ACO1: variants seen among roughly 807,000 people sequenced by gnomAD.
ACO1 encodes cytoplasmic aconitate hydratase.
Under a neutral mutation model 105.1 loss-of-function variants are expected in ACO1, and 78 were observed. The ratio of observed to expected loss-of-function variants is 0.74; its 90% CI spans 0.62 to 0.90. The LOEUF (loss-of-function observed/expected upper bound fraction) is 0.90, where lower values mean the gene tolerates loss of function less well. ACO1 is among the 40% of genes least tolerant of loss of function. The probability of loss-of-function intolerance (pLI) is 0.00; values close to 1 mark genes in which losing one functional copy is unlikely to be tolerated. For synonymous variants in ACO1, 364 were observed against 397.4 expected (o/e 0.92, Z 1.00); for missense variants, 965 against 1,111.1 (o/e 0.87, Z 1.87).
chr9:32,385,387 A>C (rs1251183836), intron 1 of ACO1, among the ~76,000 whole-genome samples: 1 of 152,206 alleles, frequency 6.6e-6, no homozygotes, highest in East Asian at 1.9e-4. Flanking sequence ...GAAGTCCCCA[A>C]ACTTTTCTGG....
At chr9:32,413,490 A>G (rs1315997193) in intron 4 of ACO1, among the ~76,000 whole-genome samples, 2 of 152,082 alleles carry the variant, frequency 1.3e-5, no homozygotes, top group African/African-American at 4.8e-5. Context: ...CTCAAAAAAA[A>G]AAAAAAAAAA....
intron 1 of ACO1, among the ~76,000 whole-genome samples, chr9:32,385,872 G>C (rs1002228487): frequency 4.6e-5 from 7 of 152,206 alleles, no homozygotes; most frequent in African/African-American, 1.4e-4. Flanking sequence ...TGCTTCAGAG[G>C]CTTCATTCAT....
chr9:32,434,422 T>G (rs952053605), intron 16 of ACO1, 137 bp from the exon 17 acceptor site: 4 of 992,450 alleles, frequency 4.0e-6, no homozygotes, highest in African/African-American at 3.2e-5. Context: ...TGATAAAAAC[T>G]AGAACACTAG....
chr9:32,438,725 C>T (rs927445903), intron 18 of ACO1, among the ~76,000 whole-genome samples: 3 of 152,128 alleles, frequency 2.0e-5, no homozygotes, highest in African/African-American at 7.2e-5. Context: ...GAAATCACAG[C>T]ACATTACCTG....
chr9:32,434,427 C>G (rs1173768204), intron 16 of ACO1, 132 bp from the exon 17 acceptor site: 1 of 1,017,330 alleles, frequency 9.8e-7, no homozygotes, highest in East Asian at 2.4e-5. Flanking sequence ...AAAACTAGAA[C>G]ACTAGAATTT....
In ACO1 at chr9:32,425,880, G is replaced by T; in HGVS notation, c.1231G>T (p.Asp411Tyr). Residue 411 changes from aspartate to tyrosine, a missense_variant, in exon 11 of 21, where the codon GAC (aspartate) becomes TAC (tyrosine). Coordinates refer to ENST00000309951, the MANE Select transcript of ACO1 (RefSeq NM_002197.3). ...GFQVAPEHHN[D>Y]HKTFIYDNTE... ...CCAAGTTGCTCCTGAACATCATAAT[G>T]ACCATAAGACCTTTATCTATGATAA... is the stretch of plus-strand genomic sequence containing the variant. 6.2e-7 allele frequency: 1 copy of T among 1,613,554 alleles called. No individual in the cohort carries two copies. The highest frequency in any genetic ancestry group is 1.1e-5 in the South Asian group (1 of 90,916).
chr9:32,434,669 C>T lies in ACO1; in HGVS notation c.2067C>T (p.Asn689=). The T allele has an allele frequency of 6.2e-7, 1 of 1,614,112 alleles. No homozygotes were observed. The highest frequency in any genetic ancestry group is 1.6e-4 in the Middle Eastern group (1 of 6,062). The change falls in exon 17 of 21, where the codon AAC becomes AAT. Residue 689 remains asparagine (N), a synonymous_variant. Coordinates refer to ENST00000309951, the MANE Select transcript of ACO1 (RefSeq NM_002197.3). ...HISPAGNIAR[N]SPAARYLTNR... is the part of the protein sequence containing the mutation. ...CCCCAGCTGGAAATATTGCAAGAAA[C>T]AGTCCTGCTGCTCGCTACTTAACTA...
chr9:32,415,620 A>G (rs1284472788), intron 4 of ACO1, among the ~76,000 whole-genome samples: 1 of 152,160 alleles, frequency 6.6e-6, no homozygotes, highest in African/African-American at 2.4e-5. Flanking sequence ...CGAGATGAGT[A>G]CCTTGAGGAG....
chr9:32,410,281 G>A (rs577750933), intron 4 of ACO1, among the ~76,000 whole-genome samples: 11 of 152,218 alleles, frequency 7.2e-5, no homozygotes, highest in South Asian at 2.1e-4. Flanking sequence ...CCTGATGGCC[G>A]GGCGTGGTGG....
intron 1 of ACO1, 70 bp from the exon 2 acceptor site, chr9:32,405,415 C>A: frequency 2.4e-6 from 2 of 850,680 alleles, no homozygotes; most frequent in South Asian, 1.6e-5. Flanking sequence ...ACTAAGCCTT[C>A]CTCCCAGTCC....
chr9:32,430,808 C>T (rs974699947), intron 14 of ACO1, among the ~76,000 whole-genome samples: 2 of 152,166 alleles, frequency 1.3e-5, no homozygotes, highest in African/African-American at 4.8e-5. Context: ...AAGGAATAGA[C>T]ATCTTGCTAT....
intron 1 of ACO1, among the ~76,000 whole-genome samples, chr9:32,387,770 C>T (rs1236891767): frequency 6.6e-6 from 1 of 152,182 alleles, no homozygotes; most frequent in Non-Finnish European, 1.5e-5. Flanking sequence ...CGGCAATAGA[C>T]AACATGCAAA....
chr9:32,418,431 A>T lies in ACO1; in HGVS notation c.578A>T (p.Asp193Val). 2 of 1,614,172 alleles carry T rather than the reference A, an allele frequency of 1.2e-6. No individual in the cohort carries two copies. Among genetic ancestry groups the T allele is most frequent in the Non-Finnish European group, 1.7e-6 (2 of 1,180,026 alleles). ...EYLARVVFDQDGYYYPDSLVG... is the reference protein window; with the variant it reads ...EYLARVVFDQVGYYYPDSLVG... Reference sequence around the variant, plus strand: ...TTGGCAAGAGTGGTATTTGATCAGGATGGATATTATTACCCAGACAGCCTC... The same window carrying T: ...TTGGCAAGAGTGGTATTTGATCAGGTTGGATATTATTACCCAGACAGCCTC... Residue 193 changes from aspartate (D) to valine (V), a missense_variant, in exon 6 of 21, where the codon GAT becomes GTT. Physicochemically the swap from Asp to Val is radical, Grantham distance 152 (BLOSUM62 -3). Coordinates refer to ENST00000309951, the MANE Select transcript of ACO1 (RefSeq NM_002197.3).
chr9:32,399,698 T>C (rs1035163826), intron 1 of ACO1, among the ~76,000 whole-genome samples: 1 of 152,186 alleles, frequency 6.6e-6, no homozygotes, highest in African/African-American at 2.4e-5. Context: ...TAGATTTTTA[T>C]GGTATAGTTT....
intron 9 of ACO1, among the ~76,000 whole-genome samples, chr9:32,423,932 C>T (rs1239336224): frequency 2.0e-5 from 3 of 152,220 alleles, no homozygotes; most frequent in Non-Finnish European, 2.9e-5. Flanking sequence ...AGAGACTTCA[C>T]TAGTGGAACA....
Position 32,445,841 on chromosome 9 carries a change from A to ATCTT in ACO1, c.2371-3053_2371-3050dup. 3.3e-5 allele frequency: 5 copies of ATCTT among 152,680 alleles called. No individual in the cohort carries two copies. In the Middle Eastern group the frequency reaches 0.017, roughly 516 times the overall value. 9.5% of individuals were successfully genotyped at this position (152,680 alleles called of 1,614,324 possible). On this transcript the variant is annotated intron_variant, in intron 19 of 20. Transcript: ENST00000309951. ...TTTGTTCTCATTGGTTTCAAAGAACATCTTTATTTCTGCCTTCATTTCATT... is the reference window on the plus strand; with the variant it reads ...TTTGTTCTCATTGGTTTCAAAGAACATCTTTCTTTATTTCTGCCTTCATTTCATT...
At chr9:32,443,897 T>C (rs146651732) in intron 19 of ACO1, among the ~76,000 whole-genome samples, 364 of 152,338 alleles carry the variant, frequency 2.4e-3, no homozygotes, top group Non-Finnish European at 4.1e-3. Context: ...GGTATACATG[T>C]GCCGTGGTGG....
At chr9:32,423,244 G>GCT in intron 8 of ACO1, 75 bp from the exon 9 acceptor site, 1 of 772,398 alleles carries the variant, frequency 1.3e-6, no homozygotes, top group African/African-American at 1.8e-5. Context: ...AATTGCTAAT[G>GCT]GAAGTATCAG....
chr9:32,405,657 T>C (rs1380003032), intron 2 of ACO1, 54 bp downstream of exon 2: 1 of 1,289,936 alleles, frequency 7.8e-7, no homozygotes, highest in South Asian at 1.3e-5. Flanking sequence ...ATGATTAGGC[T>C]ATGTAATTAA....
Sources: gnomAD v4.1 joint callset for allele counts (sites outside exome capture counted in the v4.1 genomes callset) on GRCh38, gnomAD v4.1.1 for gene constraint, MANE v1.5 for transcripts, NCBI Gene and HGNC (gene_info 2026-07-23, HGNC 2026-07-21) for gene names.